GPR141: variants seen among roughly 807,000 people sequenced by gnomAD.
GPR141 encodes the protein G protein-coupled receptor 141.
Under a neutral mutation model 6.8 loss-of-function variants are expected in GPR141, and 6 were observed. The observed-to-expected ratio is 0.88, with a 90% confidence interval of 0.48 to 1.74. The LOEUF (loss-of-function observed/expected upper bound fraction) is 1.74. Among genes scored for constraint, GPR141 ranks in the 40% most tolerant of loss-of-function variants. GPR141 has a pLI of 0.01. For synonymous variants in GPR141, 140 were observed against 142.3 expected, an observed-to-expected ratio of 0.98 and a Z score of 0.11; for missense variants, 372 against 372.9, an observed-to-expected ratio of 1.00 and a Z score of 0.02.
intron 2 of GPR141, among the ~76,000 whole-genome samples, chr7:37,717,177 T>C (rs1193330008): frequency 6.6e-6 from 1 of 152,234 alleles, no homozygotes; most frequent in African/African-American, 2.4e-5. Flanking sequence ...CCTAAATACA[T>C]AATAGACACT....
chr7:37,736,978 A>G (rs1025179251), intron 2 of GPR141, among the ~76,000 whole-genome samples: 7 of 151,300 alleles, frequency 4.6e-5, no homozygotes, highest in African/African-American at 1.7e-4. Context: ...AATAAAAAGC[A>G]TGAAAACTGA....
intron 2 of GPR141, among the ~76,000 whole-genome samples, chr7:37,723,045 G>C (rs1042435718): frequency 1.4e-5 from 2 of 145,782 alleles, no homozygotes. Flanking sequence ...GGAGTACAGT[G>C]GTATCTTGTA....
rs562970581 is a variant in GPR141, at chr7:37,692,197, C to A, written c.-15+6614C>A. Among the ~76,000 whole-genome samples, 12 of 152,010 alleles carry A rather than the reference C, an allele frequency of 7.9e-5. No homozygotes were observed. The East Asian group carries it at 2.3e-3, about 29-fold the overall frequency. On this transcript the variant is annotated intron_variant, in intron 2 of 2. Transcript: ENST00000334425. ...GTGTGTGATGTTCCCCTCCCTGTGT[C>A]CATGTGTTCTCATTGTTCAACTCCC...
At chr7:37,734,424 C>T (rs2247244) in intron 2 of GPR141, among the ~76,000 whole-genome samples, 117,582 of 152,102 alleles carry the variant, frequency 0.77, 45,529 homozygotes, top group Middle Eastern at 0.81. Flanking sequence ...AATTACTCTT[C>T]CACTTCATAT....
chr7:37,742,183 T>A lies in GPR141; in HGVS notation c.*872T>A, dbSNP rs929096206. ...TGTCCTGGGCCACAGTTAATTAAGATTTTTAGGGGGGACAGAAAGTTATAC... is the reference window on the plus strand; with the variant it reads ...TGTCCTGGGCCACAGTTAATTAAGAATTTTAGGGGGGACAGAAAGTTATAC... On this transcript the variant is annotated 3_prime_UTR_variant, in exon 3 of 3. Coordinates refer to ENST00000334425, the MANE Select transcript of GPR141 (RefSeq NM_001381946.1). 6.6e-6 allele frequency among the ~76,000 whole-genome samples: 1 copy of A among 152,070 alleles called. No individual in the cohort carries two copies. Among genetic ancestry groups the A allele is most frequent in the Non-Finnish European group, 1.5e-5 (1 of 67,998 alleles).
At chr7:37,721,865 A>G (rs555900607) in intron 2 of GPR141, among the ~76,000 whole-genome samples, 11 of 152,252 alleles carry the variant, frequency 7.2e-5, no homozygotes, top group African/African-American at 1.9e-4. Context: ...TGAAGGATAT[A>G]TTTTATCCAC....
chr7:37,740,889 T>C lies in GPR141; in HGVS notation c.496T>C (p.Cys166Arg). ...CCATGAGGAATACAATGAGGAGCAC[T>C]GTTTTAAATTTCACAAAGAGCTTGC... is the stretch of plus-strand genomic sequence containing the variant. ...GIHEEYNEEH[C>R]FKFHKELAYT... The change falls in exon 3 of 3, where the codon TGT becomes CGT. Residue 166 changes from cysteine (C) to arginine (R), a missense_variant. Transcript: ENST00000334425. 2 of 1,614,154 alleles carry C rather than the reference T, an allele frequency of 1.2e-6. No individual in the cohort carries two copies. Among genetic ancestry groups the C allele is most frequent in the Non-Finnish European group, 1.7e-6 (2 of 1,179,978 alleles).
chr7:37,720,038 T>G (rs1399113409), intron 2 of GPR141, among the ~76,000 whole-genome samples: 2 of 151,786 alleles, frequency 1.3e-5, no homozygotes, highest in African/African-American at 2.4e-5. Flanking sequence ...TCTTGGAGGG[T>G]TACTGGTCAA....
At chr7:37,734,508 CT>C (rs1812137859) in intron 2 of GPR141, among the ~76,000 whole-genome samples, 1 of 152,158 alleles carries the variant, frequency 6.6e-6, no homozygotes, top group African/African-American at 2.4e-5. Flanking sequence ...ATGCACAGTC[CT>C]TGTCCTTGTG....
At chr7:37,691,270 A>T (rs1235093801) in intron 2 of GPR141, among the ~76,000 whole-genome samples, 31 of 89,100 alleles carry the variant, frequency 3.5e-4, no homozygotes, top group Admixed American at 7.8e-4. Flanking sequence ...TTTTTAACCT[A>T]GTTACCCAGT....
At chr7:37,714,049 C>G (rs1445144417) in intron 2 of GPR141, among the ~76,000 whole-genome samples, 2 of 150,264 alleles carry the variant, frequency 1.3e-5, no homozygotes, top group Admixed American at 6.6e-5. Flanking sequence ...TTTTTTTCAT[C>G]ATGTCCCGTC....
Position 37,742,468 on chromosome 7 carries a change from T to C in GPR141, c.*1157T>C, listed in dbSNP as rs922330872. Among the ~76,000 whole-genome samples the C allele has an allele frequency of 2.0e-5, 3 of 149,530 alleles. No individual in the cohort carries two copies. Among genetic ancestry groups the C allele is most frequent in the Admixed American group, 6.7e-5 (1 of 14,986 alleles). On this transcript the variant is annotated 3_prime_UTR_variant, in exon 3 of 3. Transcript: ENST00000334425. ...TGTCCATGTGTTTTCATTGTTCAAC[T>C]CCCACTTCTAAGTGAGAACATGCGG...
At chr7:37,692,479 T>C (rs985996519) in intron 2 of GPR141, among the ~76,000 whole-genome samples, 17 of 152,180 alleles carry the variant, frequency 1.1e-4, no homozygotes, top group African/African-American at 4.1e-4. Context: ...GTCTTTATAG[T>C]AGAATGATTT....
chr7:37,732,230 CTTTT>C (rs1025237774), intron 2 of GPR141, among the ~76,000 whole-genome samples: 3 of 140,962 alleles, frequency 2.1e-5, no homozygotes, highest in Non-Finnish European at 4.6e-5. Flanking sequence ...TGCAACCTCT[CTTTT>C]TGTTATTAGG....
chr7:37,695,402 C>T (rs1809969357), intron 2 of GPR141, among the ~76,000 whole-genome samples: 1 of 152,230 alleles, frequency 6.6e-6, no homozygotes, highest in Non-Finnish European at 1.5e-5. Context: ...GGACTCCAGG[C>T]AGCTCCCTCA....
chr7:37,738,042 A>G (rs1812331998), intron 2 of GPR141, among the ~76,000 whole-genome samples: 1 of 152,160 alleles, frequency 6.6e-6, no homozygotes, highest in Admixed American at 6.5e-5. Flanking sequence ...GGAGATTCAC[A>G]ATGCTTCTCC....
At chr7:37,703,251 A>G (rs1810372391) in intron 2 of GPR141, among the ~76,000 whole-genome samples, 1 of 151,596 alleles carries the variant, frequency 6.6e-6, no homozygotes, top group Non-Finnish European at 1.5e-5. Flanking sequence ...TGTGTAGAGG[A>G]TTTTTTTTAG....
chr7:37,731,060 T>C (rs1401195202), intron 2 of GPR141, among the ~76,000 whole-genome samples: 2 of 152,214 alleles, frequency 1.3e-5, no homozygotes, highest in Admixed American at 1.3e-4. Context: ...TTAATTGCTA[T>C]TGAAATAAAC....
At chr7:37,687,511 G>A (rs1391089077) in intron 2 of GPR141, among the ~76,000 whole-genome samples, 5 of 152,070 alleles carry the variant, frequency 3.3e-5, no homozygotes, top group African/African-American at 4.8e-5. Context: ...ATATTAAATA[G>A]CACCATTTTC....
Sources: allele counts gnomAD v4.1 joint callset (sites outside exome capture counted in the v4.1 genomes callset), GRCh38; gene constraint gnomAD v4.1.1; transcripts MANE v1.5; gene names NCBI Gene and HGNC (gene_info 2026-07-23, HGNC 2026-07-21).